CSMD1: variants seen among roughly 807,000 people sequenced by gnomAD.
CSMD1 encodes the protein CUB and Sushi multiple domains 1, also known as CUB and sushi domain-containing protein 1.
Under a neutral mutation model 417.5 loss-of-function variants are expected in CSMD1, and 213 were observed. The ratio of observed to expected loss-of-function variants is 0.51; its 90% CI spans 0.46 to 0.57. CSMD1 has a LOEUF of 0.57. CSMD1 is among the 20% of genes least tolerant of loss of function. The pLI, the probability that CSMD1 is intolerant of heterozygous loss-of-function variation, is 0.00. For missense variants in CSMD1, 6,923 were observed against 4,529.7 expected, an observed-to-expected ratio of 1.53 and a Z score of -15.17; for synonymous variants, 2,862 against 1,736.8, an observed-to-expected ratio of 1.65 and a Z score of -16.11.
chr8:4,331,369 G>C (rs1875897), intron 3 of CSMD1, among the ~76,000 whole-genome samples: 3 of 152,050 alleles, frequency 2.0e-5, no homozygotes, highest in Non-Finnish European at 2.9e-5. Context: ...TTCCTGTCAC[G>C]TGTGTTTGTT....
At chr8:4,326,816 C>G (rs187645898) in intron 3 of CSMD1, among the ~76,000 whole-genome samples, 1 of 149,668 alleles carries the variant, frequency 6.7e-6, no homozygotes, top group East Asian at 1.9e-4. Context: ...AAAACTTTGG[C>G]TTTGAGATTC....
intron 39 of CSMD1, among the ~76,000 whole-genome samples, chr8:3,153,378 G>C (rs759831079): frequency 2.0e-5 from 3 of 152,170 alleles, no homozygotes; most frequent in Non-Finnish European, 4.4e-5. Flanking sequence ...CCATTCTTTT[G>C]TTCCTTTACT....
chr8:3,113,971 A>G (rs1286937512), intron 42 of CSMD1, among the ~76,000 whole-genome samples: 1 of 152,190 alleles, frequency 6.6e-6, no homozygotes, highest in East Asian at 1.9e-4. Context: ...TAATTCCAGC[A>G]CTTTGGTAGG....
At chr8:3,117,604 T>C (rs7837930) in intron 42 of CSMD1, among the ~76,000 whole-genome samples, 53,739 of 152,042 alleles carry the variant, frequency 0.35, 12,821 homozygotes, top group African/African-American at 0.67. Flanking sequence ...ATATGCATTC[T>C]TCCTACACAT....
chr8:4,138,348 T>C (rs1191806460), intron 3 of CSMD1, among the ~76,000 whole-genome samples: 1 of 151,998 alleles, frequency 6.6e-6, no homozygotes, highest in Non-Finnish European at 1.5e-5. Flanking sequence ...GTGGCAAAGC[T>C]GGGGCAAGGA....
chr8:3,590,217 C>A (rs112818165), intron 8 of CSMD1, among the ~76,000 whole-genome samples: 124 of 152,178 alleles, frequency 8.1e-4, no homozygotes, highest in African/African-American at 2.9e-3. Context: ...ATAGGCACAA[C>A]CCATTTTTGA....
chr8:3,440,933 G>T (rs542138840), intron 12 of CSMD1, among the ~76,000 whole-genome samples: 1 of 152,316 alleles, frequency 6.6e-6, no homozygotes, highest in Admixed American at 6.5e-5. Context: ...CCCAGACGTG[G>T]TGACTGTGAT....
chr8:3,923,522 C>G (rs1312319680), intron 5 of CSMD1, among the ~76,000 whole-genome samples: 1 of 152,066 alleles, frequency 6.6e-6, no homozygotes, highest in Admixed American at 6.6e-5. Flanking sequence ...TTTATTCTCA[C>G]CTTGCGCATT....
At chr8:3,703,604 G>C (rs1298499749) in intron 7 of CSMD1, among the ~76,000 whole-genome samples, 1 of 152,118 alleles carries the variant, frequency 6.6e-6, no homozygotes, top group South Asian at 2.1e-4. Flanking sequence ...TGAACTAAAG[G>C]TACAATCAAG....
intron 3 of CSMD1, among the ~76,000 whole-genome samples, chr8:4,348,661 G>A (rs1313790150): frequency 4.7e-5 from 7 of 150,332 alleles, no homozygotes. Context: ...GAGAGAGAGA[G>A]AGAGAGAGAC....
At chr8:3,363,412 G>A (rs1292740353) in intron 20 of CSMD1, among the ~76,000 whole-genome samples, 1 of 152,126 alleles carries the variant, frequency 6.6e-6, no homozygotes, top group East Asian at 1.9e-4. Flanking sequence ...TTATATAGAA[G>A]AAAACAAATT....
intron 2 of CSMD1, among the ~76,000 whole-genome samples, chr8:4,510,189 T>G (rs1802739710): frequency 6.6e-6 from 1 of 151,974 alleles, no homozygotes; most frequent in Non-Finnish European, 1.5e-5. Context: ...CTCATTCACC[T>G]TCCGCCATGA....
chr8:3,316,800 G>A lies in CSMD1; in HGVS notation c.3632-8297C>T, dbSNP rs555126957. Among the ~76,000 whole-genome samples, 24 of 152,216 alleles carry A rather than the reference G, an allele frequency of 1.6e-4. No individual in the cohort carries two copies. In the South Asian group the frequency reaches 4.8e-3, roughly 30 times the overall value. On this transcript the variant is annotated intron_variant, in intron 23 of 69. Transcript: ENST00000635120. The stretch of plus-strand genomic sequence containing the variant: ...GAGACCAACTCAGCGTGCAGTGGGG[G>A]GAAGGCAACGGAGAAGACTGCACAG...
In CSMD1 at chr8:4,872,978, T is replaced by C. The variant is rs189633887; in HGVS notation, c.85+121354A>G. Reference sequence around the variant, plus strand: ...GACTGGCAAACAAAAATTGTATATATTTAAGGTGTACAGTGTGTGATGCTT... The same window carrying C: ...GACTGGCAAACAAAAATTGTATATACTTAAGGTGTACAGTGTGTGATGCTT... On this transcript the variant is annotated intron_variant, in intron 1 of 69. Coordinates refer to ENST00000635120, the MANE Select transcript of CSMD1 (RefSeq NM_033225.6). Among the ~76,000 whole-genome samples the C allele has an allele frequency of 6.6e-5, 10 of 152,250 alleles. No individual in the cohort carries two copies. In the East Asian group the frequency reaches 1.9e-3, roughly 29 times the overall value.
At chr8:3,040,387 A>AAT (rs35722761) in intron 50 of CSMD1, among the ~76,000 whole-genome samples, 8,423 of 137,314 alleles carry the variant, frequency 0.061, 326 homozygotes, top group African/African-American at 0.11. Context: ...TACACATTGA[A>AAT]ATATATATAT....
chr8:4,445,494 A>T (rs556207229), intron 2 of CSMD1, among the ~76,000 whole-genome samples: 155 of 152,344 alleles, frequency 1.0e-3, no homozygotes, highest in Admixed American at 1.8e-3. Context: ...CTTTGCTTTC[A>T]TAAAGCCAAT....
rs761664740 is a variant in CSMD1, at chr8:2,984,497, C to T, written c.8378-5697G>A. Among the ~76,000 whole-genome samples, 45 of 152,082 alleles carry T rather than the reference C, an allele frequency of 3.0e-4. 1 individual carries two copies. The highest frequency in any genetic ancestry group is 2.2e-3 in the Admixed American group (34 of 15,250). ...CTGAATAGCTGTGATTACAGGCATCCGCCACCATGCTCGGCTAATTTTTGT... is the reference window on the plus strand; with the variant it reads ...CTGAATAGCTGTGATTACAGGCATCTGCCACCATGCTCGGCTAATTTTTGT... On this transcript the variant is annotated intron_variant, in intron 54 of 69. Coordinates refer to ENST00000635120, the MANE Select transcript of CSMD1 (RefSeq NM_033225.6).
At chr8:4,319,239 A>G (rs1289780066) in intron 3 of CSMD1, among the ~76,000 whole-genome samples, 1 of 152,054 alleles carries the variant, frequency 6.6e-6, no homozygotes, top group Non-Finnish European at 1.5e-5. Context: ...CCTGACAGTC[A>G]TTTTTCCCTT....
chr8:3,369,111 TTAAA>T (rs1174108542), intron 19 of CSMD1, 139 bp downstream of exon 19: 6 of 537,208 alleles, frequency 1.1e-5, no homozygotes, highest in Admixed American at 6.8e-5. Flanking sequence ...CAAAATCTTA[TTAAA>T]TAATAAGTTA....
Sources: allele counts gnomAD v4.1 joint callset (sites outside exome capture counted in the v4.1 genomes callset), GRCh38; gene constraint gnomAD v4.1.1; transcripts MANE v1.5; gene names NCBI Gene and HGNC (gene_info 2026-07-23, HGNC 2026-07-21).